The following LRP4 variants were observed in gnomAD, a reference collection of about 807,000 sequenced individuals.
LRP4 encodes the protein LDL receptor related protein 4.
A neutral mutation model predicts 220.3 loss-of-function variants in LRP4; 95 were observed. The ratio of observed to expected loss-of-function variants is 0.43; its 90% confidence interval spans 0.37 to 0.51. LRP4 has a LOEUF of 0.51. Ranked by LOEUF, LRP4 falls within the 20% of genes least tolerant of loss-of-function variation. LRP4 has a pLI of 0.00. For missense variants in LRP4, 1,925 were observed against 2,567.0 expected (o/e 0.75, Z 5.40); for synonymous variants, 903 against 954.6 (o/e 0.95, Z 1.00).
rs1362370941 is a variant in LRP4, at chr11:46,862,671, G to T, written c.5320C>A (p.Gln1774Lys). 9.9e-6 allele frequency: 16 copies of T among 1,613,850 alleles called. No homozygotes were observed. Among genetic ancestry groups the T allele is most frequent in the Non-Finnish European group, 1.3e-5 (15 of 1,179,906 alleles). ...YSNPSYRTST[Q>K]EVKIEAIPKP... ...GGGATTGCTTCAATCTTCACTTCCT[G>T]TGTGGATGTTCGGTAGGAGGGGTTG... Residue 1774 changes from glutamine to lysine, a missense_variant, in exon 37 of 38, where the codon CAG becomes AAG. Coordinates refer to ENST00000378623, the MANE Select transcript of LRP4 (RefSeq NM_002334.4).
chr11:46,868,900 CCTAA>C (rs1420368672), intron 32 of LRP4, 84 bp downstream of exon 32: 36 of 1,562,460 alleles, frequency 2.3e-5, no homozygotes, highest in East Asian at 4.5e-5. Context: ...CTCTTGTGGC[CCTAA>C]CTGTCTTGGT....
Position 46,861,978 on chromosome 11 carries a change from G to C in LRP4, c.5385+628C>G, listed in dbSNP as rs1305334719. ...AGTTACCCGGGAGGCTGAGGCAGGA[G>C]AATCACTTGAACCCGGGAGGTGGAG... On this transcript the variant is annotated intron_variant, in intron 37 of 37. Transcript: ENST00000378623. Among the ~76,000 whole-genome samples, 3 of 144,302 alleles carry C rather than the reference G, an allele frequency of 2.1e-5. No individual in the cohort carries two copies. In the Admixed American group the frequency reaches 2.2e-4, roughly 11 times the overall value. 94.7% of individuals were successfully genotyped at this position (144,302 alleles called of 152,430 possible). A position where few individuals can be genotyped will look rare whatever the true frequency, so the allele number is the denominator to read the frequency against.
At chr11:46,878,072 C>G (rs988473240) in intron 22 of LRP4, among the ~76,000 whole-genome samples, 2 of 152,062 alleles carry the variant, frequency 1.3e-5, no homozygotes, top group Non-Finnish European at 2.9e-5. Flanking sequence ...TCAAATGCAG[C>G]CTACCCTGCA....
chr11:46,900,474 CTTTT>C, intron 2 of LRP4, 96 bp from the exon 3 acceptor site: 1 of 807,366 alleles, frequency 1.2e-6, no homozygotes. Flanking sequence ...ATCCCCTTGT[CTTTT>C]TTTCTTTTTT....
intron 2 of LRP4, 114 bp from the exon 3 acceptor site, chr11:46,900,492 G>T (rs1941644646): frequency 1.3e-6 from 1 of 741,702 alleles, no homozygotes; most frequent in Non-Finnish European, 2.4e-6. Context: ...CTTTTTTTGA[G>T]ACCGAGTCTT....
In LRP4 at chr11:46,873,549, C is replaced by T. The variant is rs143444937; in HGVS notation, c.4274G>A (p.Arg1425Gln). 9.4e-5 allele frequency: 151 copies of T among 1,613,896 alleles called. No homozygotes were observed. The highest frequency in any genetic ancestry group is 3.1e-4 in the East Asian group (14 of 44,896). Residue 1425 changes from arginine (R) to glutamine (Q), a missense_variant, in exon 29 of 38, where the codon CGA (arginine) becomes CAA (glutamine). Coordinates refer to ENST00000378623, the MANE Select transcript of LRP4 (RefSeq NM_002334.4). The surrounding 1 kb of genome is among the most constrained non-coding windows in gnomAD (Gnocchi z 4.2). ...NGSNMETVIG[R>Q]GLKTTDGLAV... is the part of the protein sequence containing the mutation. ...CAGCCCGTCAGTGGTCTTCAGCCCTCGCCCGATCACTGTCTCCATGTTGCT... is the reference window on the plus strand; with the variant it reads ...CAGCCCGTCAGTGGTCTTCAGCCCTTGCCCGATCACTGTCTCCATGTTGCT...
At chr11:46,901,582 C>G (rs1941665876) in intron 2 of LRP4, among the ~76,000 whole-genome samples, 1 of 152,152 alleles carries the variant, frequency 6.6e-6, no homozygotes, top group South Asian at 2.1e-4. Context: ...ATTAGCCACC[C>G]TCAGACATAG....
intron 35 of LRP4, 102 bp downstream of exon 35, chr11:46,865,017 T>G: frequency 1.0e-6 from 1 of 986,486 alleles, no homozygotes; most frequent in Non-Finnish European, 1.6e-6. Flanking sequence ...TTAAAAAGAG[T>G]TCATCAACCC....
chr11:46,898,498 T>G (rs1941590735), intron 7 of LRP4, 60 bp downstream of exon 7: 2 of 1,611,478 alleles, frequency 1.2e-6, no homozygotes, highest in Non-Finnish European at 1.7e-6. Context: ...TAGTGGCCTC[T>G]TTGGCTCCAC....
chr11:46,890,115 G>T lies in LRP4; in HGVS notation c.1921C>A (p.Pro641Thr). ...HRKAVISQGL[P>T]HPFAITVFED... The stretch of plus-strand genomic sequence containing the variant: ...AACACTGTGATGGCGAAGGGATGCG[G>T]GAGGCCTGGGGAAAGTCCAGGAAGA... Residue 641 changes from proline to threonine, a missense_variant, in exon 15 of 38, where the codon CCG (proline) becomes ACG (threonine). This residue lies in a region of LRP4 where 269 missense variants were observed against 436.7 expected (regional missense o/e 0.62). Coordinates refer to ENST00000378623, the MANE Select transcript of LRP4 (RefSeq NM_002334.4). The surrounding 1 kb of genome is among the most constrained non-coding windows in gnomAD (Gnocchi z 5.3). The T allele has an allele frequency of 6.2e-7, 1 of 1,614,108 alleles. No homozygotes were observed. The highest frequency in any genetic ancestry group is 8.5e-7 in the Non-Finnish European group (1 of 1,180,020).
chr11:46,914,043 C>G (rs74528954), intron 1 of LRP4, among the ~76,000 whole-genome samples: 3,641 of 152,158 alleles, frequency 0.024, 139 homozygotes, highest in African/African-American at 0.083. Flanking sequence ...AGAATCATCT[C>G]GGATCCACTT....
chr11:46,890,169 C>T lies in LRP4; in HGVS notation c.1916-49G>A, dbSNP rs775111926. 6 of 1,609,272 alleles carry T rather than the reference C, an allele frequency of 3.7e-6. No individual in the cohort carries two copies. The East Asian group carries it at 1.3e-4, about 36-fold the overall frequency. ...CAGTCTGGACGTGGTCTGCCATGTCCCCTGGGCCCAGGCCTGGCAACTACA... is the reference window on the plus strand; with the variant it reads ...CAGTCTGGACGTGGTCTGCCATGTCTCCTGGGCCCAGGCCTGGCAACTACA... On this transcript the variant is annotated intron_variant, in intron 14 of 37. Transcript: ENST00000378623. The surrounding 1 kb of genome is among the most constrained non-coding windows in gnomAD (Gnocchi z 5.3).
At chr11:46,915,478 G>A (rs1941934011) in intron 1 of LRP4, among the ~76,000 whole-genome samples, 1 of 152,120 alleles carries the variant, frequency 6.6e-6, no homozygotes, top group Non-Finnish European at 1.5e-5. Context: ...AGTTATGTGG[G>A]CTGAGTCCAA....
At chr11:46,866,920 T>C (rs948695436) in intron 34 of LRP4, among the ~76,000 whole-genome samples, 1 of 151,840 alleles carries the variant, frequency 6.6e-6, no homozygotes, top group African/African-American at 2.4e-5. Context: ...AGTGAGATCC[T>C]GTCTCAAGAA....
chr11:46,906,284 TG>T (rs1415077185), intron 1 of LRP4, among the ~76,000 whole-genome samples: 1 of 152,002 alleles, frequency 6.6e-6, no homozygotes, highest in African/African-American at 2.4e-5. Context: ...GGTGAAAACC[TG>T]TCTCTACTAA....
At position 46,884,073 on chromosome 11, in the gene LRP4, A is replaced by G. The variant is rs1011110933; in HGVS notation, c.2507-97T>C. The G allele has an allele frequency of 5.5e-6, 5 of 902,960 alleles. No individual in the cohort carries two copies. The Admixed American group carries it at 9.1e-5, about 16-fold the overall frequency. The allele number at this position is 902,960 out of a possible 1,614,324, so 55.9% of individuals were successfully genotyped here. Reference sequence around the variant, plus strand: ...AGAGCCTGGTATGCGCCAGCAGAGCACAGAGTAGGGGCTCAAAAGATATTT... The same window carrying G: ...AGAGCCTGGTATGCGCCAGCAGAGCGCAGAGTAGGGGCTCAAAAGATATTT... On this transcript the variant is annotated intron_variant, in intron 18 of 37. Coordinates refer to ENST00000378623, the MANE Select transcript of LRP4 (RefSeq NM_002334.4).
At position 46,899,028 on chromosome 11, in the gene LRP4, T is replaced by C; in HGVS notation, c.552A>G (p.Ser184=). 2 of 1,612,152 alleles carry C rather than the reference T, an allele frequency of 1.2e-6. No homozygotes were observed. Among genetic ancestry groups the C allele is most frequent in the Non-Finnish European group, 1.7e-6 (2 of 1,178,964 alleles). ...GGTTGCAGGGGGGCGCTGGCACTGCTGAGGCTGGAGGGAAGGCAGGGGTGG... is the reference window on the plus strand; with the variant it reads ...GGTTGCAGGGGGGCGCTGGCACTGCCGAGGCTGGAGGGAAGGCAGGGGTGG... The part of the protein sequence containing the change: ...KDGSDEENCP[S]AVPAPPCNLE... Residue 184 remains serine, a synonymous_variant, in exon 6 of 38, where the codon TCA becomes TCG. Coordinates refer to ENST00000378623, the MANE Select transcript of LRP4 (RefSeq NM_002334.4). The surrounding 1 kb of genome is among the most constrained non-coding windows in gnomAD (Gnocchi z 5.9).
In LRP4 at chr11:46,896,957, G is replaced by A. The variant is rs1941545091; in HGVS notation, c.834C>T (p.His278=). Residue 278 remains histidine, a synonymous_variant, in exon 8 of 38, where the codon CAC becomes CAT. Transcript: ENST00000378623. ...AGGACAGGCGGACACAGCGGCCTGA[G>A]TGACAGCGGAACTGTTCTGCCGTAC... ...SMCTAEQFRC[H]SGRCVRLSWR... 6.2e-7 allele frequency: 1 copy of A among 1,614,248 alleles called. No homozygotes were observed.
At chr11:46,859,810 A>G (rs1940492124) in intron 37 of LRP4, among the ~76,000 whole-genome samples, 1 of 152,230 alleles carries the variant, frequency 6.6e-6, no homozygotes, top group Non-Finnish European at 1.5e-5. Context: ...AAATCATCAA[A>G]AGCAATTGGC....
Sources: allele counts gnomAD v4.1 joint callset (sites outside exome capture counted in the v4.1 genomes callset), GRCh38; gene constraint gnomAD v4.1.1; regional missense constraint gnomAD v4.1.1; non-coding constraint Gnocchi (gnomAD v3.1); transcripts MANE v1.5; gene names NCBI Gene and HGNC (gene_info 2026-07-23, HGNC 2026-07-21).